PCDHGA6: variants seen among roughly 807,000 people sequenced by gnomAD.
The protein encoded by PCDHGA6 is protocadherin gamma-A6.
A neutral mutation model predicts 60.6 loss-of-function variants in PCDHGA6; 41 were observed. The ratio of observed to expected loss-of-function variants is 0.68; its 90% CI spans 0.53 to 0.88. PCDHGA6 has a LOEUF of 0.88. Among genes scored for constraint, PCDHGA6 ranks in the 40% least tolerant of loss-of-function variants. The pLI is 0.00. For missense variants in PCDHGA6, 1,312 were observed against 1,203.0 expected, an observed-to-expected ratio of 1.09 and a Z score of -1.34; for synonymous variants, 594 against 524.4, an observed-to-expected ratio of 1.13 and a Z score of -1.81.
chr5:141,427,955 G>A (rs749241312), intron 1 of PCDHGA6: 1 of 1,587,202 alleles, frequency 6.3e-7, no homozygotes, highest in Non-Finnish European at 8.6e-7. Context: ...ATGACAATGT[G>A]CCGCGGGTGC....
chr5:141,491,493 G>A lies in PCDHGA6; in HGVS notation c.2425-3314G>A, dbSNP rs1008591563. On this transcript the variant is annotated intron_variant, in intron 1 of 3. Transcript: ENST00000517434. This position sits in a 1 kb window ranked among gnomAD's most constrained non-coding sequence, Gnocchi z 6.9. ...AGCAGTCCAGCCCCAACCTGCAGGT[G>A]AGCTCGGACGGCACGCTCAAGTACA... 6.2e-7 allele frequency: 1 copy of A among 1,614,000 alleles called. No homozygotes were observed. Among genetic ancestry groups the A allele is most frequent in the African/African-American group, 1.3e-5 (1 of 74,928 alleles).
intron 1 of PCDHGA6, chr5:141,377,824 A>G (rs1774374957): frequency 6.6e-6 from 1 of 152,212 alleles, no homozygotes; most frequent in Admixed American, 6.5e-5. Context: ...TGGGCCAGTT[A>G]CAATCGCCAT....
intron 1 of PCDHGA6, chr5:141,415,230 A>G (rs1222982593): frequency 6.2e-7 from 1 of 1,614,050 alleles, no homozygotes; most frequent in Non-Finnish European, 8.5e-7. Context: ...TCGAGTCTCC[A>G]GCTAACTCTG....
At chr5:141,385,670 C>A in intron 1 of PCDHGA6, 1 of 420,128 alleles carries the variant, frequency 2.4e-6, no homozygotes, top group Non-Finnish European at 3.4e-6. Flanking sequence ...GAATAAAACA[C>A]ACCTCAGCTG....
chr5:141,472,218 G>A (rs1206861601), intron 1 of PCDHGA6, among the ~76,000 whole-genome samples: 3 of 152,054 alleles, frequency 2.0e-5, no homozygotes, highest in Admixed American at 2.0e-4. Flanking sequence ...CCTTACTCTC[G>A]ATCATATAAT....
At chr5:141,510,134 C>T (rs1273076437) in intron 3 of PCDHGA6, among the ~76,000 whole-genome samples, 1 of 152,064 alleles carries the variant, frequency 6.6e-6, no homozygotes, top group East Asian at 1.9e-4. Context: ...ATTAGCTGGG[C>T]TAGTGGTGTG....
At chr5:141,478,063 A>G in intron 1 of PCDHGA6, 1 of 1,614,168 alleles carries the variant, frequency 6.2e-7, no homozygotes, top group Non-Finnish European at 8.5e-7. Context: ...TCTTGATCAA[A>G]GACAATGGGG....
At position 141,489,599 on chromosome 5, in the gene PCDHGA6, A is replaced by T; in HGVS notation, c.2425-5208A>T. The T allele has an allele frequency of 6.2e-7, 1 of 1,614,020 alleles. No homozygotes were observed. The highest frequency in any genetic ancestry group is 8.5e-7 in the Non-Finnish European group (1 of 1,179,970). On this transcript the variant is annotated intron_variant, in intron 1 of 3. Coordinates refer to ENST00000517434, the MANE Select transcript of PCDHGA6 (RefSeq NM_018919.3). This position sits in a 1 kb window ranked among gnomAD's most constrained non-coding sequence, Gnocchi z 4.5. ...CACCCCCTGGAGCTAATCCGTGTAGAGGTAGAGATCCTGGATCTCAATGAC... is the reference window on the plus strand; with the variant it reads ...CACCCCCTGGAGCTAATCCGTGTAGTGGTAGAGATCCTGGATCTCAATGAC...
intron 1 of PCDHGA6, chr5:141,384,020 G>C: frequency 6.2e-7 from 1 of 1,613,730 alleles, no homozygotes; most frequent in Non-Finnish European, 8.5e-7. Context: ...CTACAAGACA[G>C]AGATTCTGGA....
intron 1 of PCDHGA6, chr5:141,387,709 A>C (rs1404514491): frequency 3.7e-5 from 37 of 1,008,514 alleles, no homozygotes; most frequent in Admixed American, 1.5e-4. Flanking sequence ...GGGCAGCCCC[A>C]GCTCAGACTC....
At chr5:141,413,877 G>GAC (rs751994783) in intron 1 of PCDHGA6, 1 of 1,613,386 alleles carries the variant, frequency 6.2e-7, no homozygotes. Flanking sequence ...TTGTCAGTGT[G>GAC]ACTGTCTTCG....
At chr5:141,423,598 C>A in intron 1 of PCDHGA6, 1 of 1,612,940 alleles carries the variant, frequency 6.2e-7, no homozygotes, top group East Asian at 2.2e-5. Flanking sequence ...GAAAAGCGAG[C>A]CACTCTTGAT....
At position 141,432,707 on chromosome 5, in the gene PCDHGA6, G is replaced by A. The variant is rs750859951; in HGVS notation, c.2424+56200G>A. ...CCTCGTAGTGGCCGTCCAGGACCAC[G>A]GCCAGCCCCCTCTCTCCGCCACTGT... On this transcript the variant is annotated intron_variant, in intron 1 of 3. Coordinates refer to ENST00000517434, the MANE Select transcript of PCDHGA6 (RefSeq NM_018919.3). The surrounding 1 kb of genome is among the most constrained non-coding windows in gnomAD (Gnocchi z 6.0). 5 of 1,613,988 alleles carry A rather than the reference G, an allele frequency of 3.1e-6. No individual in the cohort carries two copies. Among genetic ancestry groups the A allele is most frequent in the Non-Finnish European group, 4.2e-6 (5 of 1,179,970 alleles).
At chr5:141,408,202 G>C (rs778320550) in intron 1 of PCDHGA6, 8 of 1,549,950 alleles carry the variant, frequency 5.2e-6, no homozygotes, top group South Asian at 3.6e-5. Context: ...CCGAGCGAAC[G>C]ATGGGAGGGA....
intron 1 of PCDHGA6, among the ~76,000 whole-genome samples, chr5:141,457,215 T>C (rs1356941645): frequency 1.3e-5 from 2 of 152,186 alleles, no homozygotes; most frequent in South Asian, 2.1e-4. Flanking sequence ...AAATGTGGTG[T>C]GGTAGGTAAT....
Position 141,491,543 on chromosome 5 carries a change from A to G in PCDHGA6, c.2425-3264A>G. 6.2e-7 allele frequency: 1 copy of G among 1,613,842 alleles called. No individual in the cohort carries two copies. The highest frequency in any genetic ancestry group is 8.5e-7 in the Non-Finnish European group (1 of 1,179,982). ...ATGGAGGTGACGCTGCGGCCCACAG[A>G]CTCGCAGAGCCACTGCTACAGGACG... On this transcript the variant is annotated intron_variant, in intron 1 of 3. Coordinates refer to ENST00000517434, the MANE Select transcript of PCDHGA6 (RefSeq NM_018919.3). The surrounding 1 kb of genome is among the most constrained non-coding windows in gnomAD (Gnocchi z 6.9).
chr5:141,463,572 C>A (rs1462125489), intron 1 of PCDHGA6, among the ~76,000 whole-genome samples: 2 of 151,572 alleles, frequency 1.3e-5, no homozygotes, highest in African/African-American at 4.9e-5. Context: ...CCTCAGCCTC[C>A]CGAGTAGCTG....
At chr5:141,408,971 C>G (rs763728764) in intron 1 of PCDHGA6, 4 of 1,613,698 alleles carry the variant, frequency 2.5e-6, no homozygotes, top group Non-Finnish European at 3.4e-6. Flanking sequence ...AAATCTGCCC[C>G]CTGGGTCCCC....
At chr5:141,421,322 T>A (rs774885270) in intron 1 of PCDHGA6, 1 of 1,613,864 alleles carries the variant, frequency 6.2e-7, no homozygotes, top group Non-Finnish European at 8.5e-7. Context: ...GCCAGGCAGA[T>A]CCGATATTCG....
Sources: gnomAD v4.1 joint callset for allele counts (sites outside exome capture counted in the v4.1 genomes callset) on GRCh38, gnomAD v4.1.1 for gene constraint, Gnocchi (gnomAD v3.1) non-coding constraint, MANE v1.5 for transcripts, NCBI Gene and HGNC (gene_info 2026-07-23, HGNC 2026-07-21) for gene names.